METTL15: variants seen among roughly 807,000 people sequenced by gnomAD.
METTL15 encodes the protein 12S rRNA N(4)-cytidine methyltransferase METTL15.
A neutral mutation model predicts 38.3 loss-of-function variants in METTL15; 34 were observed. The ratio of observed to expected loss-of-function variants is 0.89; its 90% CI spans 0.68 to 1.18. The LOEUF is 1.18. METTL15 is among the 50% of genes most tolerant of loss of function. The probability of loss-of-function intolerance (pLI) is 0.00; values close to 1 mark genes in which losing one functional copy is unlikely to be tolerated. For synonymous variants in METTL15, 162 were observed against 170.9 expected, an observed-to-expected ratio of 0.95 and a Z score of 0.41; for missense variants, 438 against 498.4, an observed-to-expected ratio of 0.88 and a Z score of 1.15.
chr11:28,113,121 C>T lies in METTL15; in HGVS notation c.-17-197C>T, dbSNP rs570676679. 1.6e-4 allele frequency among the ~76,000 whole-genome samples: 25 copies of T among 152,052 alleles called. No individual in the cohort carries two copies. In the South Asian group the frequency reaches 3.1e-3, roughly 19 times the overall value. Reference sequence around the variant, plus strand: ...TTGTATTTAAATTATGTTTAAATTACGTCTCTGGGTCCTCTTAGGTTCCTT... The same window carrying T: ...TTGTATTTAAATTATGTTTAAATTATGTCTCTGGGTCCTCTTAGGTTCCTT... On this transcript the variant is annotated intron_variant, in intron 2 of 6. Coordinates refer to ENST00000407364, the MANE Select transcript of METTL15 (RefSeq NM_001113528.2).
intron 3 of METTL15, among the ~76,000 whole-genome samples, chr11:28,177,163 A>T (rs1037068748): frequency 1.3e-5 from 2 of 152,016 alleles, no homozygotes. Context: ...GTGTGAAAGA[A>T]TATATATATT....
At chr11:28,476,749 C>T (rs1030142265) in intron 6 of METTL15, among the ~76,000 whole-genome samples, 2 of 152,174 alleles carry the variant, frequency 1.3e-5, no homozygotes, top group Non-Finnish European at 2.9e-5. Flanking sequence ...ACTTCAGGCA[C>T]ACCTTAAGCT....
intron 4 of METTL15, among the ~76,000 whole-genome samples, chr11:28,278,731 A>G (rs1051009503): frequency 6.6e-6 from 1 of 152,164 alleles, no homozygotes; most frequent in Admixed American, 6.5e-5. Context: ...CAACGTGATA[A>G]TATCATCTTT....
At chr11:28,475,932 G>T (rs994641912) in intron 6 of METTL15, among the ~76,000 whole-genome samples, 1 of 152,134 alleles carries the variant, frequency 6.6e-6, no homozygotes, top group African/African-American at 2.4e-5. Flanking sequence ...CTCTCCTCCT[G>T]CTACCACCTA....
At chr11:28,177,579 G>A (rs1851123290) in intron 3 of METTL15, among the ~76,000 whole-genome samples, 1 of 151,916 alleles carries the variant, frequency 6.6e-6, no homozygotes, top group South Asian at 2.1e-4. Flanking sequence ...GATTTTTTGG[G>A]AAAATCAGAA....
At chr11:28,217,126 G>A (rs1473332899) in intron 4 of METTL15, among the ~76,000 whole-genome samples, 1 of 152,116 alleles carries the variant, frequency 6.6e-6, no homozygotes, top group Admixed American at 6.5e-5. Flanking sequence ...AGATCCCTGA[G>A]GAATCGCCAC....
intron 4 of METTL15, among the ~76,000 whole-genome samples, chr11:28,221,110 CT>C (rs1853193472): frequency 6.6e-6 from 1 of 152,084 alleles, no homozygotes; most frequent in African/African-American, 2.4e-5. Flanking sequence ...GTTGGCCTAC[CT>C]TGCTAGATTG....
intron 4 of METTL15, among the ~76,000 whole-genome samples, chr11:28,256,314 A>G (rs183237407): frequency 4.4e-4 from 67 of 152,308 alleles, no homozygotes; most frequent in Admixed American, 1.2e-3. Flanking sequence ...TCAGCAGTGA[A>G]GCCATTGATA....
intron 4 of METTL15, among the ~76,000 whole-genome samples, chr11:28,243,094 A>G (rs1183812241): frequency 6.6e-6 from 1 of 151,880 alleles, no homozygotes; most frequent in African/African-American, 2.4e-5. Context: ...AAAAAAAAAA[A>G]CAGTGTGGAA....
At chr11:28,435,458 T>A (rs1850974015) in intron 6 of METTL15, among the ~76,000 whole-genome samples, 1 of 152,224 alleles carries the variant, frequency 6.6e-6, no homozygotes, top group Non-Finnish European at 1.5e-5. Flanking sequence ...GGAAATGTTC[T>A]TTGATTCGTT....
At chr11:28,427,484 T>A (rs2133426466) in intron 6 of METTL15, among the ~76,000 whole-genome samples, 1 of 152,276 alleles carries the variant, frequency 6.6e-6, no homozygotes, top group South Asian at 2.1e-4. Flanking sequence ...TCAACGGTAG[T>A]TTAATGGGAA....
chr11:28,225,940 G>T (rs568632354), intron 4 of METTL15, among the ~76,000 whole-genome samples: 6 of 151,690 alleles, frequency 4.0e-5, no homozygotes, highest in Non-Finnish European at 7.4e-5. Flanking sequence ...TTATTCTCTG[G>T]GTTAAGGATT....
Position 28,356,742 on chromosome 11 carries a change from C to A in METTL15, c.*258+4584C>A, listed in dbSNP as rs142880793. ...AACAAAAACACCATTTGAATTATGT[C>A]TTTTCATAGGACAAGCTGAAATTAT... On this transcript the variant is annotated intron_variant and NMD_transcript_variant, in intron 4 of 7. Transcript: ENST00000532947. Among the ~76,000 whole-genome samples, 618 of 152,300 alleles carry A rather than the reference C, an allele frequency of 4.1e-3. 4 individuals are homozygous for A. The highest frequency in any genetic ancestry group is 0.014 in the African/African-American group (592 of 41,562).
At chr11:28,465,790 G>A (rs187562420) in intron 6 of METTL15, among the ~76,000 whole-genome samples, 4 of 152,190 alleles carry the variant, frequency 2.6e-5, no homozygotes, top group African/African-American at 7.2e-5. Flanking sequence ...TTGTGGGGGC[G>A]CTCCTGTGCA....
chr11:28,223,180 A>T, intron 4 of METTL15, among the ~76,000 whole-genome samples: 1 of 152,238 alleles, frequency 6.6e-6, no homozygotes, highest in Non-Finnish European at 1.5e-5. Context: ...TCGCTTGTGT[A>T]TATATAATCA....
chr11:28,129,098 G>A (rs1019282718), intron 3 of METTL15, among the ~76,000 whole-genome samples: 1 of 152,186 alleles, frequency 6.6e-6, no homozygotes, highest in African/African-American at 2.4e-5. Context: ...ACATGATGGA[G>A]AAAGAAACAT....
At chr11:28,230,247 TATATTATAA>T (rs2133880975) in intron 4 of METTL15, among the ~76,000 whole-genome samples, 1 of 152,092 alleles carries the variant, frequency 6.6e-6, no homozygotes, top group South Asian at 2.1e-4. Context: ...TATAGACCTA[TATATTATAA>T]TTAACACCTC....
At chr11:28,219,283 C>T (rs1053060923) in intron 4 of METTL15, among the ~76,000 whole-genome samples, 12 of 152,034 alleles carry the variant, frequency 7.9e-5, no homozygotes, top group African/African-American at 2.9e-4. Flanking sequence ...CTGGTTTAGT[C>T]TTGGGAGGCT....
At chr11:28,193,180 A>T (rs1201300207) in intron 3 of METTL15, among the ~76,000 whole-genome samples, 2 of 152,084 alleles carry the variant, frequency 1.3e-5, no homozygotes, top group Non-Finnish European at 2.9e-5. Context: ...TCTTTAAAGG[A>T]TATATTTATA....
Sources: allele counts gnomAD v4.1 joint callset (sites outside exome capture counted in the v4.1 genomes callset), GRCh38; gene constraint gnomAD v4.1.1; transcripts MANE v1.5; gene names NCBI Gene and HGNC (gene_info 2026-07-23, HGNC 2026-07-21).